Variants in CASK observed in about 807,000 individuals in gnomAD.
The protein encoded by CASK is peripheral plasma membrane protein CASK.
CASK carries 4 observed loss-of-function variants against 82.9 expected under a neutral mutation model. That is an observed-to-expected ratio of 0.05 (90% CI 0.02 to 0.11). The LOEUF is 0.11. Ranked by LOEUF, CASK falls within the 10% of genes least tolerant of loss-of-function variation. CASK has a pLI of 1.00. For synonymous variants in CASK, 259 were observed against 253.5 expected (o/e 1.02, Z -0.20); for missense variants, 358 against 720.9 (o/e 0.50, Z 5.76).
chrX:41,838,929 G>A (rs2070981796), intron 2 of CASK, among the ~76,000 whole-genome samples: 1 of 111,409 alleles, frequency 9.0e-6, no homozygotes, highest in Non-Finnish European at 1.9e-5. Flanking sequence ...ATTGAATTGA[G>A]TTTGAATCTT....
rs184114407 is a variant in CASK at position 41,645,271 on chromosome X, T to A, written c.832-8610A>T. 3.4e-3 allele frequency among the ~76,000 whole-genome samples: 375 copies of A among 111,851 alleles called. 1 individual carries two copies. The highest frequency in any genetic ancestry group is 0.012 in the African/African-American group (364 of 30,848). ...TACATTTGGCATTGTTTACTTTAAATTTTTTAAATGTTCCTAAAGATAATA... is the reference window on the plus strand; with the variant it reads ...TACATTTGGCATTGTTTACTTTAAAATTTTTAAATGTTCCTAAAGATAATA... On this transcript the variant is annotated intron_variant, in intron 8 of 26. Transcript: ENST00000378163.
intron 8 of CASK, among the ~76,000 whole-genome samples, chrX:41,649,258 C>T (rs1180301498): frequency 9.0e-6 from 1 of 111,244 alleles, no homozygotes; most frequent in Non-Finnish European, 1.9e-5. Flanking sequence ...TCCTTCAGTT[C>T]TGCTCTGATC....
chrX:41,656,407 G>A (rs2066941307), intron 8 of CASK, among the ~76,000 whole-genome samples: 1 of 111,666 alleles, frequency 9.0e-6, no homozygotes, highest in Non-Finnish European at 1.9e-5. Context: ...GGTGGAAGAT[G>A]TGAATGATGA....
chrX:41,589,510 CT>C lies in CASK; in HGVS notation c.1233+4del. 1 of 1,166,407 alleles carries C rather than the reference CT, an allele frequency of 8.6e-7. No individual in the cohort carries two copies. Among genetic ancestry groups the C allele is most frequent in the Non-Finnish European group, 1.2e-6 (1 of 854,515 alleles). On this transcript the variant is annotated splice_donor_region_variant and intron_variant, in intron 13 of 26. Transcript: ENST00000378163. Reference sequence around the variant, plus strand: ...CCAAATACTTCTATAAAATATATCACTTACCTCTTTGGCTCTCTGTACTGCA... The same window carrying C: ...CCAAATACTTCTATAAAATATATCACTACCTCTTTGGCTCTCTGTACTGCA...
In CASK at chrX:41,876,172, A is replaced by G. The variant is rs775651780; in HGVS notation, c.60-22945T>C. ...TATTAGTATGTATTGGTATATTATT[A>G]TTATTATTACAGCTATTGAGTACTT... On this transcript the variant is annotated intron_variant, in intron 1 of 26. Coordinates refer to ENST00000378163, the MANE Select transcript of CASK (RefSeq NM_001367721.1). Among the ~76,000 whole-genome samples, 6 of 111,382 alleles carry G rather than the reference A, an allele frequency of 5.4e-5. No individual in the cohort carries two copies. In the East Asian group the frequency reaches 1.7e-3, roughly 31 times the overall value.
intron 2 of CASK, among the ~76,000 whole-genome samples, chrX:41,846,000 G>A (rs2071147539): frequency 9.0e-6 from 1 of 111,492 alleles, no homozygotes; most frequent in Non-Finnish European, 1.9e-5. Flanking sequence ...CAACTACTAT[G>A]GAGAACAGTT....
chrX:41,640,360 C>G (rs753398284), intron 8 of CASK, among the ~76,000 whole-genome samples: 1 of 110,431 alleles, frequency 9.1e-6, no homozygotes, highest in African/African-American at 3.3e-5. Context: ...CCTGCCACCA[C>G]GCCTGGCTAA....
At chrX:41,839,058 A>T (rs2070984526) in intron 2 of CASK, among the ~76,000 whole-genome samples, 1 of 111,808 alleles carries the variant, frequency 8.9e-6, no homozygotes, top group South Asian at 3.7e-4. Context: ...CTATAGCTAT[A>T]TAAATCTATA....
chrX:41,656,992 C>T (rs1356976471), intron 8 of CASK, among the ~76,000 whole-genome samples: 2 of 110,941 alleles, frequency 1.8e-5, no homozygotes, highest in African/African-American at 3.3e-5. Flanking sequence ...TTGTGCAAAA[C>T]GGGTTAATTG....
chrX:41,626,817 T>C, intron 9 of CASK, 114 bp from the exon 10 acceptor site: 1 of 528,688 alleles, frequency 1.9e-6, no homozygotes, highest in Non-Finnish European at 3.3e-6. Context: ...ATATAGGAGA[T>C]GATGGCTAGA....
Position 41,789,817 on chromosome X carries a change from C to T in CASK, c.173-2534G>A, listed in dbSNP as rs2069680547. On this transcript the variant is annotated intron_variant, in intron 2 of 26. Transcript: ENST00000378163. ...ATCAAAAGCCTGATTTTAACTCTAT[C>T]CTGTGACACAGGAGTCATGAAGTAA... Among the ~76,000 whole-genome samples, 3 of 112,275 alleles carry T rather than the reference C, an allele frequency of 2.7e-5. No homozygotes were observed. In the South Asian group the frequency reaches 1.1e-3, roughly 42 times the overall value.
intron 2 of CASK, among the ~76,000 whole-genome samples, chrX:41,807,322 A>T (rs1420045010): frequency 9.0e-6 from 1 of 111,577 alleles, no homozygotes; most frequent in African/African-American, 3.3e-5. Context: ...TAGATTTCCA[A>T]TCATATGCAG....
chrX:41,594,138 T>C (rs1468404273), intron 12 of CASK, among the ~76,000 whole-genome samples: 2 of 111,988 alleles, frequency 1.8e-5, no homozygotes, highest in East Asian at 2.8e-4. Context: ...AGGAAGTAAA[T>C]GGCACTGAAC....
intron 25 of CASK, chrX:41,524,860 GAACAA>G (rs1263291132): frequency 9.0e-6 from 1 of 111,049 alleles, no homozygotes; most frequent in Non-Finnish European, 1.9e-5. Context: ...CCCTTCCAAG[GAACAA>G]AACCCAACAC....
At chrX:41,849,189 A>G (rs1451740581) in intron 2 of CASK, among the ~76,000 whole-genome samples, 3 of 111,799 alleles carry the variant, frequency 2.7e-5, no homozygotes, top group African/African-American at 9.7e-5. Context: ...GACTTTTATA[A>G]TAAACCATAA....
At chrX:41,600,919 A>T (rs2068271114) in intron 12 of CASK, among the ~76,000 whole-genome samples, 1 of 112,094 alleles carries the variant, frequency 8.9e-6, no homozygotes, top group African/African-American at 3.2e-5. Context: ...TTCAGCCTTA[A>T]AAAGGAAGAA....
At chrX:41,560,088 T>A (rs2065207765) in intron 17 of CASK, among the ~76,000 whole-genome samples, 1 of 111,839 alleles carries the variant, frequency 8.9e-6, no homozygotes, top group African/African-American at 3.3e-5. Flanking sequence ...CTCACAGATC[T>A]TCAATGGTCA....
intron 8 of CASK, among the ~76,000 whole-genome samples, chrX:41,642,237 T>G (rs1160093460): frequency 8.9e-6 from 1 of 111,829 alleles, no homozygotes; most frequent in Non-Finnish European, 1.9e-5. Context: ...GCAGCATGAT[T>G]TATAATCCTT....
chrX:41,648,998 C>T (rs1270020341), intron 8 of CASK, among the ~76,000 whole-genome samples: 1 of 111,156 alleles, frequency 9.0e-6, no homozygotes, highest in Non-Finnish European at 1.9e-5. Context: ...TGTATGTGTC[C>T]AGGAATTTAT....
Sources: gnomAD v4.1 joint callset for allele counts (sites outside exome capture counted in the v4.1 genomes callset) on GRCh38, gnomAD v4.1.1 for gene constraint, MANE v1.5 for transcripts, NCBI Gene and HGNC (gene_info 2026-07-23, HGNC 2026-07-21) for gene names.